PTPRN2: variants seen among roughly 807,000 people sequenced by gnomAD.
PTPRN2 encodes the protein receptor-type tyrosine-protein phosphatase N2.
A neutral mutation model predicts 118.8 loss-of-function variants in PTPRN2; 74 were observed. The ratio of observed to expected loss-of-function variants is 0.62; its 90% CI spans 0.52 to 0.76. The LOEUF (loss-of-function observed/expected upper bound fraction) is 0.76. PTPRN2 is among the 30% of genes least tolerant of loss of function. The probability of loss-of-function intolerance (pLI) is 0.00; values close to 1 mark genes in which losing one functional copy is unlikely to be tolerated. For synonymous variants in PTPRN2, 641 were observed against 608.0 expected (o/e 1.05, Z -0.80); for missense variants, 1,481 against 1,394.4 (o/e 1.06, Z -0.99).
chr7:157,709,794 T>C (rs770002906), intron 12 of PTPRN2, among the ~76,000 whole-genome samples: 3 of 152,082 alleles, frequency 2.0e-5, no homozygotes, highest in Non-Finnish European at 4.4e-5. Flanking sequence ...GGACAGAGAT[T>C]TACACATACA....
At chr7:158,313,629 G>A (rs1173082725) in intron 3 of PTPRN2, among the ~76,000 whole-genome samples, 2 of 152,124 alleles carry the variant, frequency 1.3e-5, no homozygotes, top group Admixed American at 1.3e-4. Flanking sequence ...CCCCATGTGG[G>A]GCTGCCTGGG....
chr7:157,706,732 A>G (rs1798352103), intron 12 of PTPRN2, among the ~76,000 whole-genome samples: 1 of 151,748 alleles, frequency 6.6e-6, no homozygotes, highest in Non-Finnish European at 1.5e-5. Context: ...AATTGAGTGA[A>G]TCTGACCCAG....
intron 11 of PTPRN2, among the ~76,000 whole-genome samples, chr7:157,983,480 G>T (rs1421643410): frequency 6.6e-6 from 1 of 152,224 alleles, no homozygotes; most frequent in African/African-American, 2.4e-5. Context: ...GAGTCACAGA[G>T]ACGAAGAGGG....
chr7:157,705,179 G>T (rs899864176), intron 12 of PTPRN2, among the ~76,000 whole-genome samples: 1 of 152,254 alleles, frequency 6.6e-6, no homozygotes, highest in South Asian at 2.1e-4. Flanking sequence ...GGTGGCATGC[G>T]CCTGTAGTCC....
At chr7:158,039,552 G>T (rs1053974052) in intron 11 of PTPRN2, among the ~76,000 whole-genome samples, 1 of 152,150 alleles carries the variant, frequency 6.6e-6, no homozygotes, top group African/African-American at 2.4e-5. Flanking sequence ...GAAACCCAAA[G>T]AAAAGTAGGG....
chr7:158,103,320 A>G (rs769232206), intron 10 of PTPRN2, among the ~76,000 whole-genome samples: 7 of 152,248 alleles, frequency 4.6e-5, no homozygotes, highest in Non-Finnish European at 7.3e-5. Context: ...TGAACCATTC[A>G]GGACACTTGA....
At chr7:157,740,397 A>T (rs1233008775) in intron 12 of PTPRN2, 1 of 151,824 alleles carries the variant, frequency 6.6e-6, no homozygotes, top group Non-Finnish European at 1.5e-5. Flanking sequence ...CGGGAGCCTG[A>T]CCAGCTCCGG....
At chr7:158,357,110 A>G (rs1341151398) in intron 2 of PTPRN2, among the ~76,000 whole-genome samples, 1 of 152,250 alleles carries the variant, frequency 6.6e-6, no homozygotes, top group Non-Finnish European at 1.5e-5. Context: ...AACAACCAGA[A>G]AATAGAAACC....
intron 1 of PTPRN2, among the ~76,000 whole-genome samples, chr7:158,577,485 C>A (rs541187865): frequency 6.1e-5 from 9 of 147,906 alleles, no homozygotes; most frequent in African/African-American, 2.3e-4. Context: ...GGGGCCTGCA[C>A]AACACTGAGG....
intron 12 of PTPRN2, among the ~76,000 whole-genome samples, chr7:157,832,460 C>A (rs528888672): frequency 6.6e-6 from 1 of 152,248 alleles, no homozygotes; most frequent in African/African-American, 2.4e-5. Context: ...AGAAATGTAG[C>A]GGTTCTGTTG....
chr7:157,931,165 G>C (rs1268748157), intron 11 of PTPRN2, among the ~76,000 whole-genome samples: 6 of 152,238 alleles, frequency 3.9e-5, no homozygotes, highest in Non-Finnish European at 8.8e-5. Flanking sequence ...GCACGGATAG[G>C]GTGGCTGGCA....
intron 11 of PTPRN2, among the ~76,000 whole-genome samples, chr7:157,914,052 C>T (rs928051226): frequency 1.3e-5 from 2 of 152,112 alleles, no homozygotes; most frequent in African/African-American, 4.8e-5. Context: ...AAATATATGG[C>T]CATAAATTGT....
intron 2 of PTPRN2, among the ~76,000 whole-genome samples, chr7:158,406,830 T>C (rs1007100471): frequency 6.6e-6 from 1 of 152,226 alleles, no homozygotes; most frequent in South Asian, 2.1e-4. Context: ...GTTCCTCTGC[T>C]GTTATAAACA....
Position 157,632,861 on chromosome 7 carries a change from T to G in PTPRN2, c.2197-11352A>C, listed in dbSNP as rs1804047346. ...AGAATTATACTATGTTTTCCATAAA[T>G]GTACAGCTATTAATATTTAAATTTA... On this transcript the variant is annotated intron_variant, in intron 14 of 22. Coordinates refer to ENST00000389418, the MANE Select transcript of PTPRN2 (RefSeq NM_002847.5). This position sits in a 1 kb window ranked among gnomAD's most constrained non-coding sequence, Gnocchi z 4.3. Among the ~76,000 whole-genome samples, 2 of 152,186 alleles carry G rather than the reference T, an allele frequency of 1.3e-5. No homozygotes were observed. The highest frequency in any genetic ancestry group is 1.3e-4 in the Admixed American group (2 of 15,280).
intron 21 of PTPRN2, among the ~76,000 whole-genome samples, chr7:157,555,912 C>T (rs2150478995): frequency 6.6e-6 from 1 of 152,364 alleles, no homozygotes; most frequent in East Asian, 1.9e-4. Context: ...CAGAGCTCCT[C>T]ACTCACCCAG....
At chr7:157,796,924 C>T (rs563581866) in intron 12 of PTPRN2, among the ~76,000 whole-genome samples, 8 of 152,274 alleles carry the variant, frequency 5.3e-5, no homozygotes, top group Admixed American at 2.0e-4. Context: ...CTGGGGATTA[C>T]GGTTCGACAG....
chr7:157,806,712 G>A (rs1392437210), intron 12 of PTPRN2, among the ~76,000 whole-genome samples: 2 of 152,212 alleles, frequency 1.3e-5, no homozygotes, highest in Non-Finnish European at 2.9e-5. Flanking sequence ...GGATCTTTCT[G>A]AGGAGGCCAG....
At position 157,794,913 on chromosome 7, in the gene PTPRN2, G is replaced by T. The variant is rs74614502; in HGVS notation, c.1788+103760C>A. Among the ~76,000 whole-genome samples the T allele has an allele frequency of 2.4e-4, 36 of 152,368 alleles. 1 individual carries two copies. The East Asian group carries it at 6.9e-3, about 29-fold the overall frequency. Reference sequence around the variant, plus strand: ...ACATCACCTCGGTCCTCAGAGAGGAGGGATTTCCATGTGAAAGAGGCCAGA... The same window carrying T: ...ACATCACCTCGGTCCTCAGAGAGGATGGATTTCCATGTGAAAGAGGCCAGA... On this transcript the variant is annotated intron_variant, in intron 12 of 22. Coordinates refer to ENST00000389418, the MANE Select transcript of PTPRN2 (RefSeq NM_002847.5). This position sits in a 1 kb window ranked among gnomAD's most constrained non-coding sequence, Gnocchi z 5.2.
At chr7:158,042,881 T>C (rs1808575849) in intron 11 of PTPRN2, among the ~76,000 whole-genome samples, 1 of 152,268 alleles carries the variant, frequency 6.6e-6, no homozygotes, top group Non-Finnish European at 1.5e-5. Context: ...ATTTGTATTA[T>C]GCTGTTTTCA....
Sources: allele counts gnomAD v4.1 joint callset (sites outside exome capture counted in the v4.1 genomes callset), GRCh38; gene constraint gnomAD v4.1.1; non-coding constraint Gnocchi (gnomAD v3.1); transcripts MANE v1.5; gene names NCBI Gene and HGNC (gene_info 2026-07-23, HGNC 2026-07-21).